The following ANKHD1 variants were observed in gnomAD, a reference collection of about 807,000 sequenced individuals.
The protein encoded by ANKHD1 is ankyrin repeat and KH domain-containing protein 1.
In ANKHD1, 31 loss-of-function variants were observed where a neutral mutation model predicts 230.5. That is an observed-to-expected ratio of 0.13 (90% CI 0.10 to 0.18). The LOEUF (loss-of-function observed/expected upper bound fraction) is 0.18, where lower values mean the gene tolerates loss of function less well. Ranked by LOEUF, ANKHD1 falls within the 10% of genes least tolerant of loss-of-function variation. The probability of loss-of-function intolerance (pLI) is 1.00; values close to 1 mark genes in which losing one functional copy is unlikely to be tolerated. For synonymous variants in ANKHD1, 1,074 were observed against 1,117.6 expected, an observed-to-expected ratio of 0.96 and a Z score of 0.78; for missense variants, 2,256 against 3,071.3, an observed-to-expected ratio of 0.73 and a Z score of 6.27.
chr5:140,453,110 G>A lies in ANKHD1; in HGVS notation c.1242+3805G>A, dbSNP rs185401936. 3.5e-3 allele frequency among the ~76,000 whole-genome samples: 528 copies of A among 152,276 alleles called. 1 individual carries two copies. The highest frequency in any genetic ancestry group is 5.9e-3 in the Non-Finnish European group (401 of 68,026). On this transcript the variant is annotated intron_variant, in intron 7 of 33. Coordinates refer to ENST00000360839, the MANE Select transcript of ANKHD1 (RefSeq NM_017747.3). ...AGCCGATTCGATCAACTGGAAGAAA[G>A]GGTATCAGTGATTGAAGATCAAATG...
intron 10 of ANKHD1, among the ~76,000 whole-genome samples, chr5:140,469,232 G>A (rs576292291): frequency 3.7e-4 from 56 of 150,978 alleles, no homozygotes; most frequent in African/African-American, 1.3e-3. Flanking sequence ...GCCTGGCACA[G>A]TAGCTCAAGT....
At chr5:140,446,940 A>C (rs753356433) in intron 6 of ANKHD1, among the ~76,000 whole-genome samples, 1 of 150,812 alleles carries the variant, frequency 6.6e-6, no homozygotes, top group Non-Finnish European at 1.5e-5. Context: ...ACGGAGTTTC[A>C]CTCTTGTTGC....
chr5:140,457,975 A>G (rs1258875838), intron 7 of ANKHD1, among the ~76,000 whole-genome samples: 2 of 152,200 alleles, frequency 1.3e-5, no homozygotes, highest in Non-Finnish European at 2.9e-5. Context: ...CTTACTGTCT[A>G]TGCAGATAGG....
At chr5:140,534,862 A>G (rs1052828614) in intron 29 of ANKHD1, among the ~76,000 whole-genome samples, 5 of 152,236 alleles carry the variant, frequency 3.3e-5, no homozygotes, top group Non-Finnish European at 4.4e-5. Context: ...TAGAATACTG[A>G]AATTATCCTC....
intron 9 of ANKHD1, among the ~76,000 whole-genome samples, chr5:140,461,977 A>C (rs781738977): frequency 1.3e-5 from 2 of 152,082 alleles, no homozygotes; most frequent in Non-Finnish European, 2.9e-5. Context: ...TCTATGGGCT[A>C]CATCTCATTT....
chr5:140,457,512 T>G (rs1775293186), intron 7 of ANKHD1, among the ~76,000 whole-genome samples: 1 of 152,136 alleles, frequency 6.6e-6, no homozygotes, highest in Admixed American at 6.5e-5. Context: ...CACCATGGAA[T>G]ACTATGCAGC....
intron 1 of ANKHD1, among the ~76,000 whole-genome samples, chr5:140,408,181 A>G (rs1198652571): frequency 6.6e-6 from 1 of 152,168 alleles, no homozygotes; most frequent in Non-Finnish European, 1.5e-5. Context: ...CATCTCAAAA[A>G]ATTAGAAAAT....
chr5:140,461,345 G>A (rs1051018955), intron 9 of ANKHD1, among the ~76,000 whole-genome samples: 20 of 152,242 alleles, frequency 1.3e-4, no homozygotes, highest in African/African-American at 4.3e-4. Context: ...TATGTAGCTC[G>A]TAGAAACTAT....
Position 140,539,721 on chromosome 5 carries a change from A to G in ANKHD1, c.*303A>G, listed in dbSNP as rs555777118. 2 of 239,166 alleles carry G rather than the reference A, an allele frequency of 8.4e-6. No individual in the cohort carries two copies. The highest frequency in any genetic ancestry group is 1.1e-4 in the Admixed American group (2 of 19,004). 14.8% of individuals were successfully genotyped at this position (239,166 alleles called of 1,614,324 possible). A position where few individuals can be genotyped will look rare whatever the true frequency, so the allele number is the denominator to read the frequency against. On this transcript the variant is annotated 3_prime_UTR_variant, in exon 34 of 34. Transcript: ENST00000360839. ...TTCAACCTTTTAGGGTGATAAATAC[A>G]TGTATAATTGTTTACATACTTAAAA...
chr5:140,402,853 G>A (rs1364360524), intron 1 of ANKHD1, among the ~76,000 whole-genome samples: 1 of 151,514 alleles, frequency 6.6e-6, no homozygotes, highest in Non-Finnish European at 1.5e-5. Flanking sequence ...CTTTTGTGAA[G>A]TTAGACAGGA....
At position 140,535,525 on chromosome 5, in the gene ANKHD1, C is replaced by T. The variant is rs1201450896; in HGVS notation, c.7014C>T (p.Ser2338=). 2.5e-6 allele frequency: 4 copies of T among 1,605,452 alleles called. No individual in the cohort carries two copies. Among genetic ancestry groups the T allele is most frequent in the South Asian group, 1.1e-5 (1 of 89,444 alleles). ...ATTTTTCTCCCCATCCTTGGACAAG[C>T]GCCTCAAACTCATGTAGGAATCCTG... is the stretch of plus-strand genomic sequence containing the variant. The part of the protein sequence containing the change: ...RQHFSPHPWT[S]ASNSSTSAPP... The change falls in exon 30 of 34, where the codon AGC becomes AGT. Residue 2338 remains serine, a synonymous_variant. Coordinates refer to ENST00000360839, the MANE Select transcript of ANKHD1 (RefSeq NM_017747.3).
Position 140,524,224 on chromosome 5 carries a change from G to A in ANKHD1, c.4476G>A (p.Glu1492=). Reference sequence around the variant, plus strand: ...AACTACCAGAGGATGAAGATGAAGAGGAGAATGATGAAGATGGTGAGAAAC... The same window carrying A: ...AACTACCAGAGGATGAAGATGAAGAAGAGAATGATGAAGATGGTGAGAAAC... The part of the protein sequence containing the change: ...NSELPEDEDE[E]ENDEDVEQEV... The change falls in exon 25 of 34, where the codon GAG becomes GAA. Residue 1492 remains glutamate (E), a synonymous_variant. Transcript: ENST00000360839. The A allele has an allele frequency of 6.4e-7, 1 of 1,570,068 alleles. No homozygotes were observed. The highest frequency in any genetic ancestry group is 2.1e-5 in the Admixed American group (1 of 46,706).
At position 140,485,950 on chromosome 5, in the gene ANKHD1, C is replaced by T; in HGVS notation, c.2142+218C>T. On this transcript the variant is annotated intron_variant, in intron 13 of 33. Coordinates refer to ENST00000360839, the MANE Select transcript of ANKHD1 (RefSeq NM_017747.3). The surrounding 1 kb of genome is among the most constrained non-coding windows in gnomAD (Gnocchi z 4.8). ...TGAGAATAGTGGTTTTTAAAAACCA[C>T]TTAATATCAAATATAAACGTAAGTA... The T allele has an allele frequency of 1.7e-6, 1 of 585,090 alleles. No homozygotes were observed. The highest frequency in any genetic ancestry group is 2.8e-6 in the Non-Finnish European group (1 of 363,276). The allele number at this position is 585,090 out of a possible 1,614,324, so 36.2% of individuals were successfully genotyped here.
chr5:140,408,047 G>A (rs1193268983), intron 1 of ANKHD1, among the ~76,000 whole-genome samples: 4 of 152,080 alleles, frequency 2.6e-5, no homozygotes, highest in Non-Finnish European at 5.9e-5. Flanking sequence ...TATGGTGGCA[G>A]GCGCCTGTAA....
intron 1 of ANKHD1, among the ~76,000 whole-genome samples, chr5:140,404,383 G>A (rs1347158397): frequency 6.6e-6 from 1 of 152,014 alleles, no homozygotes; most frequent in East Asian, 1.9e-4. Context: ...ATTGTCATGG[G>A]TGAGATGAAA....
At chr5:140,492,444 A>C (rs1751849154) in intron 14 of ANKHD1, among the ~76,000 whole-genome samples, 1 of 152,236 alleles carries the variant, frequency 6.6e-6, no homozygotes, top group South Asian at 2.1e-4. Context: ...AAATAAGTCA[A>C]TTCTAGGTTA....
rs1753706791 is a variant in ANKHD1, at chr5:140,528,866, A to G, written c.5920A>G (p.Thr1974Ala). The G allele has an allele frequency of 6.2e-7, 1 of 1,614,146 alleles. No homozygotes were observed. The highest frequency in any genetic ancestry group is 8.5e-7 in the Non-Finnish European group (1 of 1,180,058). The change falls in exon 29 of 34, where the codon ACA becomes GCA. Residue 1974 changes from threonine to alanine, a missense_variant. Coordinates refer to ENST00000360839, the MANE Select transcript of ANKHD1 (RefSeq NM_017747.3). ...ACVPKTSPPATVISSVTSTCS... is the reference protein window; with the variant it reads ...ACVPKTSPPAAVISSVTSTCS... ...TGTGCCTAAGACAAGTCCTCCAGCA[A>G]CAGTGATTTCTTCTGTGACAAGCAC...
intron 10 of ANKHD1, 78 bp from the exon 11 acceptor site, chr5:140,482,502 C>A (rs1302872786): frequency 1.7e-5 from 25 of 1,494,734 alleles, no homozygotes; most frequent in Non-Finnish European, 2.2e-5. Context: ...CGTTATTTCT[C>A]ATTTCATCAG....
Position 140,529,350 on chromosome 5 carries a change from A to G in ANKHD1, c.6404A>G (p.His2135Arg). ...GCTGTACCAGCACCTCGAGTTTCTC[A>G]TCGAATGCAGCCCAGAGGTTCTTTT... ...QLAVPAPRVS[H>R]RMQPRGSFYS... Residue 2135 changes from histidine (H) to arginine (R), a missense_variant, in exon 29 of 34, where the codon CAT (histidine) becomes CGT (arginine). Coordinates refer to ENST00000360839, the MANE Select transcript of ANKHD1 (RefSeq NM_017747.3). The G allele has an allele frequency of 6.2e-7, 1 of 1,614,172 alleles. No individual in the cohort carries two copies. Among genetic ancestry groups the G allele is most frequent in the Non-Finnish European group, 8.5e-7 (1 of 1,180,020 alleles).
Sources: gnomAD v4.1 joint callset for allele counts (sites outside exome capture counted in the v4.1 genomes callset) on GRCh38, gnomAD v4.1.1 for gene constraint, Gnocchi (gnomAD v3.1) non-coding constraint, MANE v1.5 for transcripts, NCBI Gene and HGNC (gene_info 2026-07-23, HGNC 2026-07-21) for gene names.